The following GRM3 variants were observed in gnomAD, a reference collection of about 807,000 sequenced individuals.
GRM3 encodes the protein metabotropic glutamate receptor 3.
GRM3 carries 26 observed loss-of-function variants against 70.5 expected under a neutral mutation model. That is an observed-to-expected ratio of 0.37 (90% CI 0.27 to 0.51). GRM3 has a LOEUF of 0.51. Among genes scored for constraint, GRM3 ranks in the 20% least tolerant of loss-of-function variants. The pLI is 0.93. For synonymous variants in GRM3, 443 were observed against 434.9 expected, an observed-to-expected ratio of 1.02 and a Z score of -0.23; for missense variants, 859 against 1,123.8, an observed-to-expected ratio of 0.76 and a Z score of 3.37.
rs116169779 is a variant in GRM3, at chr7:86,793,849, T to C, written c.1324+6733T>C. ...TATTATTGTCATTATTATTTAATAA[T>C]CCTTAATTTATTATGAGTCATTTAT... is the stretch of plus-strand genomic sequence containing the variant. On this transcript the variant is annotated intron_variant, in intron 3 of 5. Coordinates refer to ENST00000361669, the MANE Select transcript of GRM3 (RefSeq NM_000840.3). Among the ~76,000 whole-genome samples, 664 of 152,208 alleles carry C rather than the reference T, an allele frequency of 4.4e-3. 6 individuals carry two copies. The highest frequency in any genetic ancestry group is 0.015 in the African/African-American group (641 of 41,526).
intron 1 of GRM3, among the ~76,000 whole-genome samples, chr7:86,691,331 A>T (rs1231610827): frequency 6.6e-6 from 1 of 152,114 alleles, no homozygotes; most frequent in South Asian, 2.1e-4. Context: ...TGCATTCTCC[A>T]TTAAGCAGCC....
chr7:86,779,465 G>T (rs1232936485), intron 2 of GRM3, among the ~76,000 whole-genome samples: 2 of 152,080 alleles, frequency 1.3e-5, no homozygotes, highest in Admixed American at 6.6e-5. Flanking sequence ...ATTAGAAAAG[G>T]TTACATGGTA....
chr7:86,779,396 C>T (rs940837790), intron 2 of GRM3, among the ~76,000 whole-genome samples: 74 of 152,214 alleles, frequency 4.9e-4, no homozygotes, highest in African/African-American at 1.3e-3. Context: ...TCAGCTTCCC[C>T]GTCGTGTGTG....
intron 1 of GRM3, among the ~76,000 whole-genome samples, chr7:86,665,914 A>G (rs1794012987): frequency 6.6e-6 from 1 of 152,038 alleles, no homozygotes; most frequent in Non-Finnish European, 1.5e-5. Context: ...TCTTAGGAAG[A>G]ACAAGTTTTA....
intron 1 of GRM3, among the ~76,000 whole-genome samples, chr7:86,747,879 A>G (rs911904342): frequency 2.6e-5 from 4 of 152,052 alleles, no homozygotes; most frequent in Non-Finnish European, 5.9e-5. Flanking sequence ...CACTTACAGA[A>G]CCCTTGCTCT....
intron 4 of GRM3, among the ~76,000 whole-genome samples, chr7:86,846,427 G>C (rs1319088741): frequency 6.6e-6 from 1 of 152,126 alleles, no homozygotes; most frequent in African/African-American, 2.4e-5. Context: ...TACCTTCTCT[G>C]AAAGTCTCTC....
intron 1 of GRM3, among the ~76,000 whole-genome samples, chr7:86,742,528 A>T (rs1373195303): frequency 1.3e-5 from 2 of 152,196 alleles, no homozygotes; most frequent in Non-Finnish European, 2.9e-5. Flanking sequence ...ACAATCTGCC[A>T]TACCAAGGAA....
At chr7:86,680,701 C>T (rs931821304) in intron 1 of GRM3, among the ~76,000 whole-genome samples, 1 of 152,066 alleles carries the variant, frequency 6.6e-6, no homozygotes, top group East Asian at 1.9e-4. Context: ...CCAGACAGTG[C>T]AAGAACTGTA....
At chr7:86,753,723 T>C (rs1796282587) in intron 1 of GRM3, among the ~76,000 whole-genome samples, 1 of 152,098 alleles carries the variant, frequency 6.6e-6, no homozygotes, top group Non-Finnish European at 1.5e-5. Flanking sequence ...CATATTGCCT[T>C]CCCAATCAAT....
intron 4 of GRM3, among the ~76,000 whole-genome samples, chr7:86,846,537 T>C (rs1162906754): frequency 2.6e-5 from 4 of 152,178 alleles, no homozygotes; most frequent in Admixed American, 2.6e-4. Flanking sequence ...TACTAGTTAT[T>C]AGAATCAAGT....
chr7:86,786,232 A>G lies in GRM3; in HGVS notation c.469-29A>G. 1 of 1,584,960 alleles carries G rather than the reference A, an allele frequency of 6.3e-7. No homozygotes were observed. Among genetic ancestry groups the G allele is most frequent in the Non-Finnish European group, 8.6e-7 (1 of 1,164,946 alleles). On this transcript the variant is annotated intron_variant, in intron 2 of 5. Transcript: ENST00000361669. This position sits in a 1 kb window ranked among gnomAD's most constrained non-coding sequence, Gnocchi z 6.0. ...TCCAGTCATCTACCTCGGGGTTTCT[A>G]ACAAAGGTCCTTCTTCTCCCTCCCC... is the stretch of plus-strand genomic sequence containing the variant.
chr7:86,686,546 C>A (rs1794573115), intron 1 of GRM3, among the ~76,000 whole-genome samples: 1 of 152,152 alleles, frequency 6.6e-6, no homozygotes, highest in Admixed American at 6.5e-5. Flanking sequence ...GTAAAAACTT[C>A]AAGCTTTGAG....
intron 1 of GRM3, among the ~76,000 whole-genome samples, chr7:86,667,687 T>C (rs979449845): frequency 1.3e-5 from 2 of 152,144 alleles, no homozygotes; most frequent in African/African-American, 2.4e-5. Context: ...TCTTGTGCAT[T>C]GGCCCCAATC....
chr7:86,852,685 T>C (rs1224698544), intron 5 of GRM3, among the ~76,000 whole-genome samples: 1 of 152,180 alleles, frequency 6.6e-6, no homozygotes, highest in Non-Finnish European at 1.5e-5. Flanking sequence ...AGTAGTACCA[T>C]GTAACAAAGT....
intron 1 of GRM3, among the ~76,000 whole-genome samples, chr7:86,705,579 C>T (rs1795038499): frequency 6.6e-6 from 1 of 151,636 alleles, no homozygotes; most frequent in Non-Finnish European, 1.5e-5. Flanking sequence ...TTTTTGTAAA[C>T]ATACTGACCC....
At chr7:86,827,417 TAAG>T (rs1798255476) in intron 3 of GRM3, among the ~76,000 whole-genome samples, 1 of 151,990 alleles carries the variant, frequency 6.6e-6, no homozygotes, top group Non-Finnish European at 1.5e-5. Flanking sequence ...TGGACAAAAC[TAAG>T]AAGCAGGTGA....
intron 1 of GRM3, among the ~76,000 whole-genome samples, chr7:86,647,732 A>G (rs1488283353): frequency 6.6e-6 from 1 of 152,242 alleles, no homozygotes; most frequent in Non-Finnish European, 1.5e-5. Flanking sequence ...CCAAGTCTGA[A>G]CACATAAAAT....
At chr7:86,665,118 C>G (rs1057444757) in intron 1 of GRM3, among the ~76,000 whole-genome samples, 1 of 152,042 alleles carries the variant, frequency 6.6e-6, no homozygotes, top group African/African-American at 2.4e-5. Flanking sequence ...TTACCTGCTA[C>G]ATGAAGAAAT....
In GRM3 at chr7:86,839,015, C is replaced by G. The variant is rs566982395; in HGVS notation, c.1501C>G (p.Arg501Gly). 9.3e-6 allele frequency: 15 copies of G among 1,614,092 alleles called. No homozygotes were observed. The South Asian group carries it at 1.6e-4, about 18-fold the overall frequency. ...SLDVNSIHWS[R>G]NSVPTSQCSD... Reference sequence around the variant, plus strand: ...AGATGTCAACTCTATCCACTGGTCCCGGAACTCAGTCCCCACTTCCCAGTG... The same window carrying G: ...AGATGTCAACTCTATCCACTGGTCCGGGAACTCAGTCCCCACTTCCCAGTG... The change falls in exon 4 of 6, where the codon CGG (arginine) becomes GGG (glycine). Residue 501 changes from arginine (R) to glycine (G), a missense_variant. Physicochemically the swap from Arg to Gly is moderately radical, Grantham distance 125. Transcript: ENST00000361669. This position sits in a 1 kb window ranked among gnomAD's most constrained non-coding sequence, Gnocchi z 4.5.
Sources: gnomAD v4.1 joint callset for allele counts (sites outside exome capture counted in the v4.1 genomes callset) on GRCh38, gnomAD v4.1.1 for gene constraint, Gnocchi (gnomAD v3.1) non-coding constraint, MANE v1.5 for transcripts, NCBI Gene and HGNC (gene_info 2026-07-23, HGNC 2026-07-21) for gene names.